Variants in PTPRN2 observed in about 807,000 individuals in gnomAD.
PTPRN2 encodes protein tyrosine phosphatase receptor type N2.
In PTPRN2, 74 loss-of-function variants were observed where a neutral mutation model predicts 118.8. The ratio of observed to expected loss-of-function variants is 0.62; its 90% CI spans 0.52 to 0.76. The LOEUF is 0.76. Among genes scored for constraint, PTPRN2 ranks in the 30% least tolerant of loss-of-function variants. The pLI is 0.00. For synonymous variants in PTPRN2, 641 were observed against 608.0 expected, an observed-to-expected ratio of 1.05 and a Z score of -0.80; for missense variants, 1,481 against 1,394.4, an observed-to-expected ratio of 1.06 and a Z score of -0.99.
intron 3 of PTPRN2, among the ~76,000 whole-genome samples, chr7:158,296,616 C>A (rs563776119): frequency 2.0e-5 from 3 of 152,346 alleles, no homozygotes; most frequent in Non-Finnish European, 4.4e-5. Context: ...GAGCTGTAAG[C>A]ATTCACCCCT....
chr7:158,461,142 C>A (rs1486482085), intron 2 of PTPRN2, among the ~76,000 whole-genome samples: 1 of 152,130 alleles, frequency 6.6e-6, no homozygotes, highest in African/African-American at 2.4e-5. Flanking sequence ...ATAGAAGAAA[C>A]CTCAAATTTC....
chr7:158,391,163 C>A (rs576448655), intron 2 of PTPRN2, among the ~76,000 whole-genome samples: 4 of 152,344 alleles, frequency 2.6e-5, no homozygotes, highest in Admixed American at 1.3e-4. Flanking sequence ...ACACCCTAAC[C>A]CAGCAGCTGC....
intron 2 of PTPRN2, among the ~76,000 whole-genome samples, chr7:158,440,833 GTGA>G (rs765126588): frequency 1.5e-5 from 2 of 135,808 alleles, no homozygotes; most frequent in African/African-American, 2.9e-5. Context: ...GGTGGTGGTG[GTGA>G]TGGCAGTGAC....
chr7:157,728,089 T>C (rs1799697172), intron 12 of PTPRN2, among the ~76,000 whole-genome samples: 1 of 152,112 alleles, frequency 6.6e-6, no homozygotes, highest in African/African-American at 2.4e-5. Context: ...TGGTACCCGG[T>C]GGGTACCCAG....
intron 11 of PTPRN2, among the ~76,000 whole-genome samples, chr7:157,911,313 A>G (rs1798094804): frequency 1.3e-5 from 2 of 152,198 alleles, no homozygotes; most frequent in South Asian, 2.1e-4. Context: ...CCACGATGCA[A>G]AGACGCTCAT....
intron 1 of PTPRN2, among the ~76,000 whole-genome samples, chr7:158,566,123 T>A (rs1482638595): frequency 1.3e-5 from 2 of 151,958 alleles, no homozygotes; most frequent in Non-Finnish European, 2.9e-5. Context: ...GAGGCCAAGG[T>A]GGGTGGATCA....
chr7:158,005,025 A>T (rs530263037), intron 11 of PTPRN2, among the ~76,000 whole-genome samples: 10 of 152,192 alleles, frequency 6.6e-5, no homozygotes, highest in Admixed American at 5.9e-4. Context: ...GGCTTGAGAA[A>T]ATCGGCCTGG....
chr7:157,847,318 G>C (rs192316418), intron 12 of PTPRN2, among the ~76,000 whole-genome samples: 1 of 140,964 alleles, frequency 7.1e-6, no homozygotes, highest in East Asian at 2.3e-4. Context: ...ATGTGTGGCC[G>C]ATGTTTACAG....
intron 3 of PTPRN2, among the ~76,000 whole-genome samples, chr7:158,230,599 A>G (rs1428841545): frequency 6.6e-6 from 1 of 152,082 alleles, no homozygotes; most frequent in African/African-American, 2.4e-5. Flanking sequence ...TCTCTTTAAG[A>G]TAACTTGTTA....
At chr7:157,574,026 T>C (rs1563224759) in intron 19 of PTPRN2, among the ~76,000 whole-genome samples, 2 of 152,146 alleles carry the variant, frequency 1.3e-5, no homozygotes. Context: ...AACCACGACA[T>C]ATTGAACACA....
At chr7:158,089,574 TGAAAGAGGGAGTCTTCACACAAA>T (rs1813833430) in intron 10 of PTPRN2, among the ~76,000 whole-genome samples, 2 of 65,942 alleles carry the variant, frequency 3.0e-5, no homozygotes, top group Non-Finnish European at 6.8e-5. Context: ...CTTCCCCTGA[TGAAAGAGGGAGTCTTCACACAAA>T]CCTTCTTCCC....
chr7:158,026,728 C>G (rs1456146102), intron 11 of PTPRN2, among the ~76,000 whole-genome samples: 2 of 152,304 alleles, frequency 1.3e-5, no homozygotes, highest in East Asian at 1.9e-4. Flanking sequence ...TGCCCTCACC[C>G]CACAAAGCAC....
chr7:157,772,571 C>T (rs1163223414), intron 12 of PTPRN2, among the ~76,000 whole-genome samples: 3 of 152,314 alleles, frequency 2.0e-5, no homozygotes, highest in Admixed American at 6.5e-5. Flanking sequence ...CGCCTGTGAA[C>T]GACTGTGACC....
At chr7:158,021,934 G>A (rs1480381748) in intron 11 of PTPRN2, among the ~76,000 whole-genome samples, 1 of 152,122 alleles carries the variant, frequency 6.6e-6, no homozygotes, top group African/African-American at 2.4e-5. Flanking sequence ...AAAAAATGAG[G>A]TGACCTCACA....
chr7:158,035,124 A>G (rs1047116577), intron 11 of PTPRN2, among the ~76,000 whole-genome samples: 2 of 152,268 alleles, frequency 1.3e-5, no homozygotes, highest in Non-Finnish European at 2.9e-5. Context: ...CAGTGTGGAT[A>G]GTCAGTGTGT....
chr7:158,488,930 C>A (rs1168979308), intron 2 of PTPRN2, among the ~76,000 whole-genome samples: 2 of 152,244 alleles, frequency 1.3e-5, no homozygotes, highest in Non-Finnish European at 1.5e-5. Flanking sequence ...GCGTTCAGAG[C>A]GCACAGCGCC....
intron 11 of PTPRN2, among the ~76,000 whole-genome samples, chr7:157,945,617 G>A (rs1051784325): frequency 2.0e-5 from 3 of 151,800 alleles, no homozygotes; most frequent in South Asian, 2.1e-4. Context: ...AGACAATGGC[G>A]CCTCCAGCTT....
intron 2 of PTPRN2, among the ~76,000 whole-genome samples, chr7:158,484,574 G>A (rs1250774163): frequency 6.6e-6 from 1 of 152,164 alleles, no homozygotes; most frequent in Non-Finnish European, 1.5e-5. Flanking sequence ...TGTTGGCCAG[G>A]CTGGCCGTGA....
intron 12 of PTPRN2, among the ~76,000 whole-genome samples, chr7:157,877,980 TC>T (rs779242987): frequency 3.3e-5 from 5 of 152,154 alleles, no homozygotes; most frequent in Non-Finnish European, 7.4e-5. Flanking sequence ...CCAAGGAAAA[TC>T]CCGCGTATGT....
Sources: gnomAD v4.1 joint callset for allele counts (sites outside exome capture counted in the v4.1 genomes callset) on GRCh38, gnomAD v4.1.1 for gene constraint, MANE v1.5 for transcripts, NCBI Gene and HGNC (gene_info 2026-07-23, HGNC 2026-07-21) for gene names.